The following GOLGA8S variants were observed in gnomAD, a reference collection of about 807,000 sequenced individuals.
GOLGA8S encodes the protein golgin subfamily A member 8S.
Under a neutral mutation model 58.9 loss-of-function variants are expected in GOLGA8S, and 23 were observed. That is an observed-to-expected ratio of 0.39 (90% CI 0.28 to 0.55). GOLGA8S has a LOEUF of 0.55. Among genes scored for constraint, GOLGA8S ranks in the 20% least tolerant of loss-of-function variants. The pLI is 0.63. For synonymous variants in GOLGA8S, 84 were observed against 195.7 expected, an observed-to-expected ratio of 0.43 and a Z score of 4.76; for missense variants, 266 against 514.2, an observed-to-expected ratio of 0.52 and a Z score of 4.67.
chr15:23,365,088 G>T, exon 19 of GOLGA8S: 1 of 1,583,350 alleles, frequency 6.3e-7, no homozygotes, highest in African/African-American at 1.4e-5. Flanking sequence ...AACAACTGCT[G>T]TGTGCCATTC....
chr15:23,367,253 A>T, downstream of GOLGA8S: 9 of 117,332 alleles, frequency 7.7e-5, no homozygotes, highest in Non-Finnish European at 9.1e-5. Flanking sequence ...AGCATTTTAA[A>T]CCCTCGGGCT....
At chr15:23,357,595 A>C in exon 4 of GOLGA8S, 1 of 1,002,044 alleles carries the variant, frequency 1.0e-6, no homozygotes, top group Admixed American at 2.0e-5. Flanking sequence ...AAGTCAGTCA[A>C]CTGAAGAACA....
At chr15:23,366,559 T>G (rs2069925843), downstream of GOLGA8S, 2 of 152,110 alleles carry the variant, frequency 1.3e-5, no homozygotes, top group African/African-American at 4.8e-5. Flanking sequence ...CAATGTATTA[T>G]CAGGAAACGT....
Position 23,364,492 on chromosome 15 carries a change from G to T in GOLGA8S, c.1449-34G>T, listed in dbSNP as rs904752656. 5 of 1,605,254 alleles carry T rather than the reference G, an allele frequency of 3.1e-6. No individual in the cohort carries two copies. In the African/African-American group the frequency reaches 5.3e-5, roughly 17 times the overall value. Reference sequence around the variant, plus strand: ...CAGGGGGAGCTACAGGGCCGTCGGAGGGGCCCCAGCGTCTGAGCCCTGTCC... The same window carrying T: ...CAGGGGGAGCTACAGGGCCGTCGGATGGGCCCCAGCGTCTGAGCCCTGTCC... On this transcript the variant is annotated intron_variant, in intron 16 of 18. Transcript: ENST00000562295.
chr15:23,365,467 G>C, downstream of GOLGA8S: 1 of 426,596 alleles, frequency 2.3e-6, no homozygotes, highest in Non-Finnish European at 4.3e-6. Context: ...GTTCTCGCTG[G>C]TTTGGAATAG....
At chr15:23,362,843 C>T (rs771831605) in intron 13 of GOLGA8S, among the ~76,000 whole-genome samples, 6 of 141,378 alleles carry the variant, frequency 4.2e-5, no homozygotes, top group Non-Finnish European at 7.6e-5. Context: ...GCAGGTGGAG[C>T]TGAAGAGCCA....
downstream of GOLGA8S, chr15:23,365,758 T>G (rs1362347866): frequency 5.9e-6 from 1 of 170,430 alleles, no homozygotes; most frequent in Non-Finnish European, 1.3e-5. Context: ...AGGGAGCTTT[T>G]TAAATCTCAC....
intron 16 of GOLGA8S, 33 bp downstream of exon 16, chr15:23,364,476 C>T (rs752438250): frequency 1.2e-6 from 2 of 1,605,274 alleles, no homozygotes; most frequent in Non-Finnish European, 1.7e-6. Flanking sequence ...GCAGGGGGAG[C>T]TACAGGGCCG....
chr15:23,364,125 C>G (rs376412991), intron 15 of GOLGA8S, among the ~76,000 whole-genome samples: 3 of 136,192 alleles, frequency 2.2e-5, no homozygotes, highest in Admixed American at 7.9e-5. Flanking sequence ...GCCTGGCTCA[C>G]CTGGTGGCCT....
chr15:23,359,952 G>A (rs1358147781), intron 8 of GOLGA8S, among the ~76,000 whole-genome samples: 1 of 149,296 alleles, frequency 6.7e-6, no homozygotes, highest in East Asian at 1.9e-4. Flanking sequence ...ATGGTATCTG[G>A]TGAAGCACTC....
chr15:23,364,432 G>A (rs4036684), exon 16 of GOLGA8S: 43 of 1,605,082 alleles, frequency 2.7e-5, no homozygotes, highest in Non-Finnish European at 3.6e-5. Context: ...ACTGGCAAGA[G>A]AGATGCCATC....
downstream of GOLGA8S, chr15:23,365,171 T>A (rs776929264): frequency 1.1e-5 from 17 of 1,581,838 alleles, 2 homozygotes; most frequent in Middle Eastern, 4.6e-4. Context: ...AAGAAATTTT[T>A]AAATAAGAAA....
intron 1 of GOLGA8S, among the ~76,000 whole-genome samples, chr15:23,356,223 C>A (rs1226355733): frequency 6.9e-6 from 1 of 145,290 alleles, no homozygotes; most frequent in African/African-American, 2.5e-5. Context: ...CTTCTTCACA[C>A]TAACAGACGT....
At chr15:23,365,252 TTG>T (rs1472697007), downstream of GOLGA8S, 1 of 1,130,384 alleles carries the variant, frequency 8.8e-7, no homozygotes, top group African/African-American at 1.6e-5. Context: ...TCATGATTAT[TTG>T]TGTTTCTAAT....
At position 23,361,437 on chromosome 15, in the gene GOLGA8S, AG is replaced by A. The variant is rs1757245035; in HGVS notation, c.1092del (p.Asn365ThrfsTer6). Reference sequence around the variant, plus strand: ...AGGCTTCAGCAGCTGGCCGAGCCACAGAACAGCTTCAAGGAGCTGGTGCGTT... The same window carrying A: ...AGGCTTCAGCAGCTGGCCGAGCCACAAACAGCTTCAAGGAGCTGGTGCGTT... On this transcript the variant is annotated frameshift_variant, in exon 12 of 19. Transcript: ENST00000562295. LOFTEE classifies it high-confidence loss of function. 1.3e-6 allele frequency: 1 copy of A among 789,418 alleles called. No homozygotes were observed. Among genetic ancestry groups the A allele is most frequent in the South Asian group, 1.3e-5 (1 of 74,630 alleles). 48.9% of individuals were successfully genotyped at this position (789,418 alleles called of 1,614,324 possible). A position where few individuals can be genotyped will look rare whatever the true frequency, so the allele number is the denominator to read the frequency against.
chr15:23,366,030 C>G (rs2069917171), downstream of GOLGA8S: 1 of 150,070 alleles, frequency 6.7e-6, no homozygotes, highest in South Asian at 2.2e-4. Flanking sequence ...GCATTTGTAT[C>G]TACAATACAT....
chr15:23,356,300 C>G (rs1334093801), intron 1 of GOLGA8S, among the ~76,000 whole-genome samples: 2 of 143,958 alleles, frequency 1.4e-5, no homozygotes, highest in Non-Finnish European at 3.1e-5. Flanking sequence ...TTTTCTAGCT[C>G]TGCCTCTGGT....
chr15:23,364,339 C>G lies in GOLGA8S; in HGVS notation c.1348-4C>G. The G allele has an allele frequency of 1.2e-6, 2 of 1,601,800 alleles. No individual in the cohort carries two copies. Among genetic ancestry groups the G allele is most frequent in the Non-Finnish European group, 8.5e-7 (1 of 1,179,388 alleles). ...GAGATGTGACTACAATATTTTGGCT[C>G]CAGAGCAGCTTTATGGACCACCTGG... On this transcript the variant is annotated splice_region_variant and splice_polypyrimidine_tract_variant and intron_variant, in intron 15 of 18. Transcript: ENST00000562295.
downstream of GOLGA8S, chr15:23,365,541 G>A (rs2069906369): frequency 3.3e-6 from 1 of 301,608 alleles, no homozygotes. Context: ...GACAAAATTT[G>A]CCTATGTTCT....
Sources: gnomAD v4.1 joint callset for allele counts (sites outside exome capture counted in the v4.1 genomes callset) on GRCh38, gnomAD v4.1.1 for gene constraint, MANE v1.5 for transcripts, NCBI Gene and HGNC (gene_info 2026-07-23, HGNC 2026-07-21) for gene names.